GPATCH2: variants seen among roughly 807,000 people sequenced by gnomAD.
The protein encoded by GPATCH2 is G patch domain-containing protein 2.
GPATCH2 carries 51 observed loss-of-function variants against 58.0 expected under a neutral mutation model. The observed-to-expected ratio is 0.88, with a 90% CI of 0.70 to 1.11. GPATCH2 has a LOEUF of 1.11. GPATCH2 is among the 50% of genes most tolerant of loss of function. The probability of loss-of-function intolerance (pLI) is 0.00; values close to 1 mark genes in which losing one functional copy is unlikely to be tolerated. For missense variants in GPATCH2, 625 were observed against 652.2 expected, an observed-to-expected ratio of 0.96 and a Z score of 0.45; for synonymous variants, 222 against 218.5, an observed-to-expected ratio of 1.02 and a Z score of -0.14.
At chr1:217,614,238 A>T in intron 2 of GPATCH2, 36 bp from the exon 3 acceptor site, 3 of 1,231,106 alleles carry the variant, frequency 2.4e-6, no homozygotes, top group Non-Finnish European at 3.6e-6. Context: ...AGATCAAAAG[A>T]ACAATTGATC....
At chr1:217,541,800 CATA>C (rs1205003296) in intron 5 of GPATCH2, among the ~76,000 whole-genome samples, 2 of 152,150 alleles carry the variant, frequency 1.3e-5, no homozygotes, top group Non-Finnish European at 2.9e-5. Flanking sequence ...CACTACCTCA[CATA>C]ATAATCTGAT....
At chr1:217,452,179 G>C (rs1238135241) in intron 8 of GPATCH2, among the ~76,000 whole-genome samples, 2 of 152,044 alleles carry the variant, frequency 1.3e-5, no homozygotes, top group Non-Finnish European at 2.9e-5. Context: ...GACTGAAGAG[G>C]GAGGAGACCA....
chr1:217,567,187 C>T (rs1313209882), intron 5 of GPATCH2, among the ~76,000 whole-genome samples: 2 of 151,990 alleles, frequency 1.3e-5, no homozygotes, highest in African/African-American at 2.4e-5. Context: ...GCTGGGATTA[C>T]AGGCATGCGC....
intron 6 of GPATCH2, 48 bp downstream of exon 6, chr1:217,514,774 C>G (rs775396760): frequency 2.4e-6 from 2 of 827,686 alleles, no homozygotes; most frequent in Non-Finnish European, 4.1e-6. Context: ...CCCAAAAGAG[C>G]TAAGTAGAAT....
intron 8 of GPATCH2, among the ~76,000 whole-genome samples, chr1:217,454,484 G>C (rs1174557798): frequency 6.7e-6 from 1 of 149,786 alleles, no homozygotes; most frequent in East Asian, 2.0e-4. Flanking sequence ...AGCTACTCGG[G>C]AGGCTGAGGC....
At chr1:217,501,055 T>C (rs967250006) in intron 6 of GPATCH2, among the ~76,000 whole-genome samples, 1 of 152,038 alleles carries the variant, frequency 6.6e-6, no homozygotes, top group African/African-American at 2.4e-5. Flanking sequence ...ACTACAACGA[T>C]CCTTCATGTT....
At chr1:217,451,358 ACTT>A (rs917782592) in intron 8 of GPATCH2, among the ~76,000 whole-genome samples, 1 of 152,208 alleles carries the variant, frequency 6.6e-6, no homozygotes, top group Non-Finnish European at 1.5e-5. Flanking sequence ...AATGGGAAAT[ACTT>A]CTTAACTACA....
chr1:217,495,090 TA>T, intron 7 of GPATCH2: 6 of 658,382 alleles, frequency 9.1e-6, no homozygotes, highest in African/African-American at 2.0e-5. Flanking sequence ...AGATGTATAT[TA>T]AAAAATAACT....
chr1:217,512,281 T>C (rs1270709637), intron 6 of GPATCH2, among the ~76,000 whole-genome samples: 6 of 152,088 alleles, frequency 3.9e-5, no homozygotes, highest in South Asian at 4.1e-4. Flanking sequence ...ATGATAGTGA[T>C]TGCACCATTG....
chr1:217,628,009 G>A (rs955063829), intron 1 of GPATCH2, among the ~76,000 whole-genome samples: 9 of 152,014 alleles, frequency 5.9e-5, no homozygotes, highest in South Asian at 2.1e-4. Flanking sequence ...CAAACAGTAA[G>A]TAGGAAATGA....
At chr1:217,610,196 C>A (rs1310139995) in intron 5 of GPATCH2, 125 bp downstream of exon 5, 4 of 1,592,848 alleles carry the variant, frequency 2.5e-6, no homozygotes, top group Non-Finnish European at 3.4e-6. Context: ...TTGTAGCCTA[C>A]AAAAAAATGG....
chr1:217,430,872 T>G lies in GPATCH2; in HGVS notation c.*273A>C. On this transcript the variant is annotated 3_prime_UTR_variant, in exon 10 of 10. Coordinates refer to ENST00000366935, the MANE Select transcript of GPATCH2 (RefSeq NM_018040.5). Reference sequence around the variant, plus strand: ...ATCGGAAAGTATTGACACATGAGACTAAAATAAATAAGAGAAACGAGCTGC... The same window carrying G: ...ATCGGAAAGTATTGACACATGAGACGAAAATAAATAAGAGAAACGAGCTGC... 1 of 475,816 alleles carries G rather than the reference T, an allele frequency of 2.1e-6. No individual in the cohort carries two copies. The highest frequency in any genetic ancestry group is 3.8e-6 in the Non-Finnish European group (1 of 265,418). 29.5% of individuals were successfully genotyped at this position (475,816 alleles called of 1,614,324 possible).
At chr1:217,476,357 C>A (rs567845877) in intron 8 of GPATCH2, among the ~76,000 whole-genome samples, 1 of 151,372 alleles carries the variant, frequency 6.6e-6, no homozygotes, top group South Asian at 2.1e-4. Flanking sequence ...ATTGCCACCC[C>A]CTCCAGGACA....
At chr1:217,583,505 AG>A (rs1667172770) in intron 5 of GPATCH2, among the ~76,000 whole-genome samples, 1 of 142,506 alleles carries the variant, frequency 7.0e-6, no homozygotes, top group African/African-American at 2.6e-5. Flanking sequence ...TGGGAGGCAG[AG>A]GTTGCAGTGA....
At chr1:217,449,975 A>G (rs960734072) in intron 8 of GPATCH2, among the ~76,000 whole-genome samples, 1 of 152,208 alleles carries the variant, frequency 6.6e-6, no homozygotes, top group Non-Finnish European at 1.5e-5. Context: ...AAAACCGAGA[A>G]GTGGACCTTC....
At chr1:217,567,801 C>A (rs1417720482) in intron 5 of GPATCH2, among the ~76,000 whole-genome samples, 1 of 152,148 alleles carries the variant, frequency 6.6e-6, no homozygotes, top group Admixed American at 6.5e-5. Context: ...AGGAAAATCT[C>A]ATTCACCAAA....
chr1:217,533,245 T>C (rs1398083003), intron 5 of GPATCH2, among the ~76,000 whole-genome samples: 1 of 152,106 alleles, frequency 6.6e-6, no homozygotes, highest in Admixed American at 6.5e-5. Context: ...TCAAACTTTA[T>C]ACTCTTAAAA....
At chr1:217,583,792 A>G (rs1667190702) in intron 5 of GPATCH2, among the ~76,000 whole-genome samples, 1 of 152,076 alleles carries the variant, frequency 6.6e-6, no homozygotes, top group South Asian at 2.1e-4. Context: ...GCAGCTAGGG[A>G]ATAAAAATAA....
At position 217,431,014 on chromosome 1, in the gene GPATCH2, G is replaced by A. The variant is rs1658507930; in HGVS notation, c.*131C>T. 4.4e-6 allele frequency: 3 copies of A among 677,726 alleles called. No individual in the cohort carries two copies. The highest frequency in any genetic ancestry group is 1.8e-5 in the African/African-American group (1 of 56,286). The allele number at this position is 677,726 out of a possible 1,614,324, so 42.0% of individuals were successfully genotyped here. ...TTCTCTCACTATGGCAGGACTGTAT[G>A]CAGTAAGGAAGCTAGAGTGATGTGT... On this transcript the variant is annotated 3_prime_UTR_variant, in exon 10 of 10. Coordinates refer to ENST00000366935, the MANE Select transcript of GPATCH2 (RefSeq NM_018040.5).
Sources: gnomAD v4.1 joint callset for allele counts (sites outside exome capture counted in the v4.1 genomes callset) on GRCh38, gnomAD v4.1.1 for gene constraint, MANE v1.5 for transcripts, NCBI Gene and HGNC (gene_info 2026-07-23, HGNC 2026-07-21) for gene names.